C22orf31: variants seen among roughly 807,000 people sequenced by gnomAD.
C22orf31 encodes the protein chromosome 22 open reading frame 31, also known as uncharacterized protein C22orf31.
A neutral mutation model predicts 15.0 loss-of-function variants in C22orf31; 11 were observed. That is an observed-to-expected ratio of 0.73 (90% CI 0.46 to 1.21). C22orf31 has a LOEUF of 1.21. Among genes scored for constraint, C22orf31 ranks in the 50% most tolerant of loss-of-function variants. C22orf31 has a pLI of 0.00. For missense variants in C22orf31, 340 were observed against 347.2 expected, an observed-to-expected ratio of 0.98 and a Z score of 0.17; for synonymous variants, 132 against 133.3, an observed-to-expected ratio of 0.99 and a Z score of 0.07.
rs1240668487 is a variant in C22orf31, at chr22:29,060,422, A to G, written c.425T>C (p.Ile142Thr). 9 of 1,611,038 alleles carry G rather than the reference A, an allele frequency of 5.6e-6. No homozygotes were observed. The highest frequency in any genetic ancestry group is 6.8e-6 in the Non-Finnish European group (8 of 1,179,052). Residue 142 changes from isoleucine to threonine, a missense_variant, in exon 2 of 3, where the codon ATC (isoleucine) becomes ACC (threonine). Ile to Thr is a moderately conservative substitution (Grantham distance 89, BLOSUM62 -1). Coordinates refer to ENST00000216071, the MANE Select transcript of C22orf31 (RefSeq NM_015370.2). The part of the protein sequence containing the change: ...PAGHRRPAGG[I>T]RESKESSKEK... ...CCACTGGTCCTCGTCTACCTCTCTG[A>G]TGCCTCCTGCAGGCCTCCTATGCCC...
chr22:29,064,057 G>A (rs936760091), upstream of C22orf31, among the ~76,000 whole-genome samples: 10 of 152,022 alleles, frequency 6.6e-5, no homozygotes, highest in African/African-American at 2.4e-4. Flanking sequence ...TAGTAGAGAT[G>A]GGGTTTCACC....
At chr22:29,063,676 A>T (rs1227242327), upstream of C22orf31, among the ~76,000 whole-genome samples, 1 of 152,188 alleles carries the variant, frequency 6.6e-6, no homozygotes, top group African/African-American at 2.4e-5. Flanking sequence ...TATTTATTGA[A>T]TGCTTCCTGA....
chr22:29,072,490 A>G, the C22orf31 span, among the ~76,000 whole-genome samples: 1 of 152,140 alleles, frequency 6.6e-6, no homozygotes, highest in Non-Finnish European at 1.5e-5. Context: ...CCTCCATTTA[A>G]CAGATGAGGA....
At chr22:29,061,175 C>A (rs2037387369) in intron 1 of C22orf31, among the ~76,000 whole-genome samples, 1 of 152,130 alleles carries the variant, frequency 6.6e-6, no homozygotes, top group African/African-American at 2.4e-5. Flanking sequence ...TCACTCAAGA[C>A]TTCCATATGA....
the C22orf31 span, chr22:29,073,155 G>A: frequency 2.6e-6 from 3 of 1,140,886 alleles, no homozygotes; most frequent in Non-Finnish European, 3.2e-6. The surrounding 1 kb of genome is among the most constrained non-coding windows in gnomAD (Gnocchi z 4.4). Flanking sequence ...CGCCCGCCTC[G>A]CCCTGCTCTC....
At chr22:29,060,917 A>T in intron 1 of C22orf31, 74 bp from the exon 2 acceptor site, 1 of 1,247,978 alleles carries the variant, frequency 8.0e-7, no homozygotes, top group Non-Finnish European at 1.1e-6. Flanking sequence ...TCTACTTTGA[A>T]GGCAAAATAT....
At chr22:29,072,894 C>T in the C22orf31 span, among the ~76,000 whole-genome samples, 3 of 151,214 alleles carry the variant, frequency 2.0e-5, no homozygotes, top group Non-Finnish European at 4.4e-5. Context: ...AGCGCGCGGC[C>T]GGGGCGGGGC....
the C22orf31 span, among the ~76,000 whole-genome samples, chr22:29,069,369 G>C: frequency 6.6e-6 from 1 of 152,068 alleles, no homozygotes; most frequent in Admixed American, 6.6e-5. Flanking sequence ...ATCCCAACTG[G>C]AGTTTCAAAG....
the C22orf31 span, among the ~76,000 whole-genome samples, chr22:29,068,015 A>G: frequency 1.3e-5 from 2 of 151,336 alleles, no homozygotes; most frequent in Non-Finnish European, 2.9e-5. Context: ...TCGAGGCTGT[A>G]GTGTGCCATG....
chr22:29,061,856 T>C, upstream of C22orf31: 4 of 1,299,582 alleles, frequency 3.1e-6, no homozygotes, highest in Non-Finnish European at 4.3e-6. Context: ...GTATTTTCTC[T>C]TTCCTTTTTC....
chr22:29,071,800 C>T, the C22orf31 span, among the ~76,000 whole-genome samples: 1 of 152,194 alleles, frequency 6.6e-6, no homozygotes, highest in East Asian at 1.9e-4. Flanking sequence ...GCCTACCACG[C>T]TGGGGCCGAA....
At chr22:29,072,111 A>G in the C22orf31 span, among the ~76,000 whole-genome samples, 2 of 152,046 alleles carry the variant, frequency 1.3e-5, no homozygotes, top group Non-Finnish European at 2.9e-5. Flanking sequence ...CTGCGTGCGT[A>G]AAAGCTTCCA....
At chr22:29,073,287 G>A in the C22orf31 span, 2 of 760,458 alleles carry the variant, frequency 2.6e-6, no homozygotes, top group Non-Finnish European at 3.4e-6. This position sits in a 1 kb window ranked among gnomAD's most constrained non-coding sequence, Gnocchi z 4.4. Flanking sequence ...GGGGCGACAA[G>A]GGCCGGCCGG....
At position 29,061,798 on chromosome 22, in the gene C22orf31, A is replaced by G; in HGVS notation, c.-6T>C. ...AAATAAAATCACCTTACCATATTTC[A>G]GTTGCCTTAAATTTTATTTTCGCTA... On this transcript the variant is annotated 5_prime_UTR_variant, in exon 1 of 3. Coordinates refer to ENST00000216071, the MANE Select transcript of C22orf31 (RefSeq NM_015370.2). 6.5e-7 allele frequency: 1 copy of G among 1,546,370 alleles called. No individual in the cohort carries two copies. The highest frequency in any genetic ancestry group is 8.9e-7 in the Non-Finnish European group (1 of 1,129,702).
the C22orf31 span, among the ~76,000 whole-genome samples, chr22:29,068,084 C>CT: frequency 2.8e-3 from 371 of 130,206 alleles, 18 homozygotes; most frequent in Non-Finnish European, 3.5e-3. Context: ...CAAACCCCGT[C>CT]TTTTTTTTTT....
chr22:29,059,084 G>A lies in C22orf31; in HGVS notation c.531C>T (p.Asp177=). The change falls in exon 3 of 3, where the codon GAC becomes GAT. Residue 177 remains aspartate (D), a synonymous_variant. Coordinates refer to ENST00000216071, the MANE Select transcript of C22orf31 (RefSeq NM_015370.2). The part of the protein sequence containing the change: ...HVAATQALPQ[D]SGTAAWKGRV... ...GGCCCTTCCAGGCTGCTGTCCCACT[G>A]TCCTGGGGTAGCGCTTGGGTGGCAG... The A allele has an allele frequency of 6.2e-7, 1 of 1,614,108 alleles. No homozygotes were observed. The highest frequency in any genetic ancestry group is 8.5e-7 in the Non-Finnish European group (1 of 1,179,944).
the C22orf31 span, among the ~76,000 whole-genome samples, chr22:29,069,851 G>A: frequency 6.6e-6 from 1 of 151,928 alleles, no homozygotes; most frequent in Non-Finnish European, 1.5e-5. Context: ...TTTCATGGGC[G>A]TGCAACCTGT....
At chr22:29,070,065 C>A in the C22orf31 span, among the ~76,000 whole-genome samples, 1 of 151,640 alleles carries the variant, frequency 6.6e-6, no homozygotes, top group Non-Finnish European at 1.5e-5. Context: ...CCTGTCTCAG[C>A]CTCCTGAGTA....
chr22:29,073,147 C>T, the C22orf31 span: 5 of 1,113,042 alleles, frequency 4.5e-6, no homozygotes, highest in Admixed American at 4.8e-5. The surrounding 1 kb of genome is among the most constrained non-coding windows in gnomAD (Gnocchi z 4.4). Context: ...CCGCCAGCCG[C>T]CCGCCTCGCC....
Sources: allele counts gnomAD v4.1 joint callset (sites outside exome capture counted in the v4.1 genomes callset), GRCh38; gene constraint gnomAD v4.1.1; non-coding constraint Gnocchi (gnomAD v3.1); transcripts MANE v1.5; gene names NCBI Gene and HGNC (gene_info 2026-07-23, HGNC 2026-07-21).